Variants in AKAP7 observed in about 807,000 individuals in gnomAD.
The protein encoded by AKAP7 is A-kinase anchoring protein 7.
A neutral mutation model predicts 39.5 loss-of-function variants in AKAP7; 39 were observed. That is an observed-to-expected ratio of 0.99 (90% CI 0.76 to 1.29). The LOEUF (loss-of-function observed/expected upper bound fraction) is 1.29. Among genes scored for constraint, AKAP7 ranks in the 50% most tolerant of loss-of-function variants. The pLI is 0.00. For synonymous variants in AKAP7, 140 were observed against 139.1 expected, an observed-to-expected ratio of 1.01 and a Z score of -0.05; for missense variants, 414 against 407.7, an observed-to-expected ratio of 1.02 and a Z score of -0.13.
chr6:131,228,082 G>A (rs369737546), intron 7 of AKAP7, among the ~76,000 whole-genome samples: 2 of 152,314 alleles, frequency 1.3e-5, no homozygotes, highest in South Asian at 2.1e-4. Flanking sequence ...ACCCTTAGGG[G>A]CCAGGGCAGA....
chr6:131,257,388 AAG>A (rs1370320164), intron 7 of AKAP7, among the ~76,000 whole-genome samples: 14 of 150,826 alleles, frequency 9.3e-5, no homozygotes, highest in African/African-American at 3.4e-4. Context: ...AAAAAAAAAA[AAG>A]TCAGCTTGGC....
At chr6:131,182,608 G>A (rs1805375207) in intron 5 of AKAP7, among the ~76,000 whole-genome samples, 1 of 152,310 alleles carries the variant, frequency 6.6e-6, no homozygotes, top group East Asian at 1.9e-4. Context: ...TATGAACATG[G>A]ATGTATAAAT....
In AKAP7 at chr6:131,253,135, T is replaced by G. The variant is rs141732607; in HGVS notation, c.851-28395T>G. ...GAGTCAAGTGACCCCTCCCCTCTCC[T>G]GCTGCTATTTTATCCTGCTTTTGCC... On this transcript the variant is annotated intron_variant, in intron 7 of 7. Coordinates refer to ENST00000431975, the MANE Select transcript of AKAP7 (RefSeq NM_016377.4). The G allele has an allele frequency of 3.3e-4, 523 of 1,594,574 alleles. No homozygotes were observed. The East Asian group carries it at 0.011, about 33-fold the overall frequency.
At chr6:131,250,225 C>T (rs987127636) in intron 7 of AKAP7, 3 of 1,029,822 alleles carry the variant, frequency 2.9e-6, no homozygotes, top group African/African-American at 1.7e-5. Flanking sequence ...TTCTTAAAGA[C>T]ATATGCAAAT....
At chr6:131,197,140 C>G (rs116886632) in intron 5 of AKAP7, among the ~76,000 whole-genome samples, 2,278 of 151,910 alleles carry the variant, frequency 0.015, 27 homozygotes, top group Middle Eastern at 0.034. Flanking sequence ...TGGATCATGG[C>G]CATCTTCTCA....
chr6:131,198,005 A>AT (rs774657813), intron 5 of AKAP7, among the ~76,000 whole-genome samples: 8 of 152,112 alleles, frequency 5.3e-5, no homozygotes, highest in Non-Finnish European at 8.8e-5. Flanking sequence ...ATGGTTTAGC[A>AT]TTTTCTTTGA....
At chr6:131,187,790 C>T (rs1806015823) in intron 5 of AKAP7, among the ~76,000 whole-genome samples, 1 of 152,192 alleles carries the variant, frequency 6.6e-6, no homozygotes, top group Admixed American at 6.5e-5. Flanking sequence ...CCCTCATTTA[C>T]ATTTGTGTCT....
At chr6:131,200,266 A>G (rs954461818) in intron 6 of AKAP7, among the ~76,000 whole-genome samples, 2 of 152,162 alleles carry the variant, frequency 1.3e-5, no homozygotes, top group Non-Finnish European at 2.9e-5. Flanking sequence ...ACTTCCGTCT[A>G]GGTTCATGAG....
intron 5 of AKAP7, chr6:131,184,230 G>A: frequency 2.4e-6 from 1 of 419,204 alleles, no homozygotes; most frequent in Non-Finnish European, 4.6e-6. Flanking sequence ...CTGGACTTGT[G>A]AAGGAGAGGA....
chr6:131,268,022 A>AGAAAGG (rs1813957418), intron 7 of AKAP7, among the ~76,000 whole-genome samples: 1 of 152,148 alleles, frequency 6.6e-6, no homozygotes, highest in Non-Finnish European at 1.5e-5. Flanking sequence ...GGAAGAAGGG[A>AGAAAGG]GAAAGGGAGG....
intron 6 of AKAP7, among the ~76,000 whole-genome samples, chr6:131,209,010 C>T (rs116189388): frequency 0.014 from 2,116 of 152,288 alleles, 38 homozygotes; most frequent in African/African-American, 0.048. Context: ...CAGGAAGGTA[C>T]ACCACAGGTG....
chr6:131,198,984 G>C (rs1190791), intron 5 of AKAP7, among the ~76,000 whole-genome samples: 129,927 of 152,232 alleles, frequency 0.85, 55,742 homozygotes, highest in Middle Eastern at 0.93. Flanking sequence ...CCTTACACAA[G>C]ACCTTGGGCA....
intron 6 of AKAP7, among the ~76,000 whole-genome samples, chr6:131,212,544 A>G (rs1187410191): frequency 1.3e-5 from 2 of 152,082 alleles, no homozygotes; most frequent in Non-Finnish European, 2.9e-5. Flanking sequence ...TCCATTTCCT[A>G]AGTTATAGGG....
intron 7 of AKAP7, among the ~76,000 whole-genome samples, chr6:131,238,261 G>T (rs1448592356): frequency 1.3e-5 from 2 of 152,144 alleles, no homozygotes; most frequent in Non-Finnish European, 2.9e-5. Context: ...TTGCACTGTG[G>T]TCTGAGAGAC....
the AKAP7 span, among the ~76,000 whole-genome samples, chr6:131,127,974 A>T: frequency 2.6e-5 from 4 of 152,344 alleles, no homozygotes; most frequent in Admixed American, 2.6e-4. Context: ...GAGCTAAATA[A>T]TGAGAACAAG....
At chr6:131,231,639 T>A (rs1482447781) in intron 7 of AKAP7, among the ~76,000 whole-genome samples, 1 of 152,156 alleles carries the variant, frequency 6.6e-6, no homozygotes, top group African/African-American at 2.4e-5. Flanking sequence ...CCATATGATT[T>A]ATCATCTAAA....
intron 5 of AKAP7, among the ~76,000 whole-genome samples, chr6:131,191,245 G>A (rs2128272244): frequency 6.6e-6 from 1 of 152,274 alleles, no homozygotes; most frequent in South Asian, 2.1e-4. Context: ...AAAAGTGACA[G>A]TTTTGTATGA....
intron 3 of AKAP7, among the ~76,000 whole-genome samples, chr6:131,162,613 T>C (rs1803085888): frequency 6.6e-6 from 1 of 152,192 alleles, no homozygotes; most frequent in Admixed American, 6.5e-5. Flanking sequence ...GACAACCTCT[T>C]TTCCATGTTC....
At chr6:131,138,291 G>T (rs1800749390) in intron 1 of AKAP7, among the ~76,000 whole-genome samples, 1 of 152,106 alleles carries the variant, frequency 6.6e-6, no homozygotes, top group South Asian at 2.1e-4. Flanking sequence ...CAAATGACAG[G>T]ATCTTATTCT....
Sources: gnomAD v4.1 joint callset for allele counts (sites outside exome capture counted in the v4.1 genomes callset) on GRCh38, gnomAD v4.1.1 for gene constraint, MANE v1.5 for transcripts, NCBI Gene and HGNC (gene_info 2026-07-23, HGNC 2026-07-21) for gene names.